The following ZNF423 variants were observed in gnomAD, a reference collection of about 807,000 sequenced individuals.
ZNF423 encodes the protein zinc finger protein 423, also known as Ebf-associated zinc finger protein.
In ZNF423, 12 loss-of-function variants were observed where a neutral mutation model predicts 95.8. That is an observed-to-expected ratio of 0.13 (90% CI 0.08 to 0.20). ZNF423 has a LOEUF of 0.20. Among genes scored for constraint, ZNF423 ranks in the 10% least tolerant of loss-of-function variants. The pLI, the probability that ZNF423 is intolerant of heterozygous loss-of-function variation, is 1.00. For synonymous variants in ZNF423, 749 were observed against 711.9 expected (o/e 1.05, Z -0.83); for missense variants, 1,316 against 1,737.1 (o/e 0.76, Z 4.31).
Position 49,529,805 on chromosome 16 carries a change from G to A in ZNF423, c.3602-4311C>T, listed in dbSNP as rs562499556. 1.5e-4 allele frequency among the ~76,000 whole-genome samples: 23 copies of A among 152,190 alleles called. No homozygotes were observed. The East Asian group carries it at 1.5e-3, about 10-fold the overall frequency. On this transcript the variant is annotated intron_variant, in intron 5 of 7. Coordinates refer to ENST00000563137, the MANE Select transcript of ZNF423 (RefSeq NM_001379286.1). ...GGAGGGAGGAGCGGCGGGCTGCAGCGGGGTGTGGACGGGGCATTGTTCTCG... is the reference window on the plus strand; with the variant it reads ...GGAGGGAGGAGCGGCGGGCTGCAGCAGGGTGTGGACGGGGCATTGTTCTCG...
At chr16:49,822,937 A>C (rs1468714776) in intron 1 of ZNF423, among the ~76,000 whole-genome samples, 1 of 152,176 alleles carries the variant, frequency 6.6e-6, no homozygotes, top group Non-Finnish European at 1.5e-5. Flanking sequence ...AAGCCTCTGG[A>C]TGGCTGATCC....
chr16:49,495,703 G>A (rs1272809875), intron 7 of ZNF423, among the ~76,000 whole-genome samples: 2 of 152,194 alleles, frequency 1.3e-5, no homozygotes, highest in East Asian at 1.9e-4. Flanking sequence ...ACACACTAGA[G>A]GGAATGGGCT....
At chr16:49,615,130 T>TCTCACACACACACACACACACA (rs373291400) in intron 5 of ZNF423, among the ~76,000 whole-genome samples, 1 of 141,154 alleles carries the variant, frequency 7.1e-6, no homozygotes, top group African/African-American at 2.7e-5. Context: ...AAACTCCATC[T>TCTCACACACACACACACACACA]CACACACACA....
intron 5 of ZNF423, among the ~76,000 whole-genome samples, chr16:49,561,903 C>T (rs973105133): frequency 6.6e-6 from 1 of 152,160 alleles, no homozygotes; most frequent in Non-Finnish European, 1.5e-5. Flanking sequence ...CTATTTTCTA[C>T]TGCTTTGAGG....
intron 2 of ZNF423, among the ~76,000 whole-genome samples, chr16:49,763,378 A>T (rs2033867367): frequency 6.6e-6 from 1 of 152,118 alleles, no homozygotes; most frequent in Non-Finnish European, 1.5e-5. Context: ...TCCCAGGCTC[A>T]CATAATCCAC....
At position 49,692,646 on chromosome 16, in the gene ZNF423, G is replaced by T. The variant is rs367917311; in HGVS notation, c.301+38125C>A. ...CCACACAGGGGAAAGCTTGGAGAAA[G>T]GATGAGGAGGAGGCAGGGGAAGCTA... On this transcript the variant is annotated intron_variant, in intron 3 of 7. Coordinates refer to ENST00000563137, the MANE Select transcript of ZNF423 (RefSeq NM_001379286.1). Among the ~76,000 whole-genome samples the T allele has an allele frequency of 2.0e-3, 304 of 152,346 alleles. 10 individuals carry two copies. In the South Asian group the frequency reaches 0.058, roughly 29 times the overall value.
At chr16:49,639,202 C>T (rs897441390) in intron 3 of ZNF423, among the ~76,000 whole-genome samples, 5 of 152,196 alleles carry the variant, frequency 3.3e-5, no homozygotes, top group Non-Finnish European at 2.9e-5. Flanking sequence ...GCAGCCTGGA[C>T]AAAGTCACTG....
chr16:49,678,572 T>C (rs975280093), intron 3 of ZNF423, among the ~76,000 whole-genome samples: 1 of 152,168 alleles, frequency 6.6e-6, no homozygotes, highest in African/African-American at 2.4e-5. Context: ...GGGCAAAGTA[T>C]TGATTGCCAC....
At chr16:49,735,860 A>G (rs542374875) in intron 2 of ZNF423, among the ~76,000 whole-genome samples, 4 of 152,342 alleles carry the variant, frequency 2.6e-5, no homozygotes, top group Admixed American at 1.3e-4. Flanking sequence ...CAACTGTACA[A>G]GAAACACCCA....
intron 2 of ZNF423, among the ~76,000 whole-genome samples, chr16:49,736,520 A>G (rs1016579550): frequency 1.3e-5 from 2 of 152,218 alleles, no homozygotes; most frequent in East Asian, 3.9e-4. Flanking sequence ...CTGAATTTTC[A>G]GGCCAGTCAC....
At chr16:49,848,828 C>A (rs774822191) in intron 1 of ZNF423, among the ~76,000 whole-genome samples, 6 of 152,152 alleles carry the variant, frequency 3.9e-5, no homozygotes, top group Non-Finnish European at 8.8e-5. Context: ...CATCTGGAGG[C>A]AGTTGGCAGC....
intron 5 of ZNF423, among the ~76,000 whole-genome samples, chr16:49,588,041 C>T (rs367921092): frequency 2.7e-4 from 41 of 152,310 alleles, no homozygotes; most frequent in African/African-American, 9.6e-4. Context: ...GGATATTCCT[C>T]TAGGATAGGA....
chr16:49,770,195 AGAATGAACGAAT>A (rs2034007669), intron 2 of ZNF423, among the ~76,000 whole-genome samples: 1 of 108,180 alleles, frequency 9.2e-6, no homozygotes, highest in Admixed American at 1.0e-4. Context: ...AATGAATAAA[AGAATGAACGAAT>A]GAATGAATGA....
chr16:49,594,427 G>GAC (rs1971118448), intron 5 of ZNF423, among the ~76,000 whole-genome samples: 2 of 151,728 alleles, frequency 1.3e-5, no homozygotes, highest in African/African-American at 2.4e-5. Context: ...CTCTCACACA[G>GAC]ACACACACAC....
At chr16:49,499,224 A>G (rs921437566) in intron 7 of ZNF423, among the ~76,000 whole-genome samples, 8 of 152,238 alleles carry the variant, frequency 5.3e-5, no homozygotes, top group Admixed American at 5.2e-4. Flanking sequence ...CCTATGGCAG[A>G]GGGAGCAGCA....
intron 3 of ZNF423, among the ~76,000 whole-genome samples, chr16:49,671,739 G>A (rs1281060449): frequency 6.6e-6 from 1 of 152,064 alleles, no homozygotes; most frequent in Non-Finnish European, 1.5e-5. Context: ...GCTGGAGAGT[G>A]CTGGTGCGAT....
intron 1 of ZNF423, among the ~76,000 whole-genome samples, chr16:49,812,369 G>A (rs566813250): frequency 2.0e-5 from 3 of 152,338 alleles, no homozygotes; most frequent in Admixed American, 2.0e-4. Context: ...TGAGAGGGGA[G>A]AGAGGGCATA....
At chr16:49,664,194 G>A in intron 3 of ZNF423, 9 of 985,536 alleles carry the variant, frequency 9.1e-6, no homozygotes, top group Non-Finnish European at 9.6e-6. Context: ...GCAGGCGAGG[G>A]CTGGAGAGGC....
At chr16:49,770,199 TGAAC>T (rs964566695) in intron 2 of ZNF423, among the ~76,000 whole-genome samples, 1 of 93,296 alleles carries the variant, frequency 1.1e-5, no homozygotes, top group African/African-American at 5.5e-5. Context: ...AATAAAAGAA[TGAAC>T]GAATGAATGA....
Sources: allele counts gnomAD v4.1 joint callset (sites outside exome capture counted in the v4.1 genomes callset), GRCh38; gene constraint gnomAD v4.1.1; transcripts MANE v1.5; gene names NCBI Gene and HGNC (gene_info 2026-07-23, HGNC 2026-07-21).